Variants in ERCC6 observed in about 807,000 individuals in gnomAD.
ERCC6 encodes DNA excision repair protein ERCC-6.
In ERCC6, 116 loss-of-function variants were observed where a neutral mutation model predicts 158.7. That is an observed-to-expected ratio of 0.73 (90% CI 0.63 to 0.85). The LOEUF (loss-of-function observed/expected upper bound fraction) is 0.85, where lower values mean the gene tolerates loss of function less well. Ranked by LOEUF, ERCC6 falls within the 40% of genes least tolerant of loss-of-function variation. ERCC6 has a pLI of 0.00. For missense variants in ERCC6, 1,698 were observed against 1,799.4 expected (o/e 0.94, Z 1.02); for synonymous variants, 678 against 659.3 (o/e 1.03, Z -0.43).
chr10:49,467,895 T>C (rs1198651852), intron 18 of ERCC6, among the ~76,000 whole-genome samples: 2 of 152,072 alleles, frequency 1.3e-5, no homozygotes, highest in Non-Finnish European at 2.9e-5. Flanking sequence ...TTCCAGACAT[T>C]GTGAATTTCA....
the ERCC6 span, among the ~76,000 whole-genome samples, chr10:49,444,521 G>C: frequency 6.6e-6 from 1 of 152,198 alleles, no homozygotes; most frequent in Non-Finnish European, 1.5e-5. Flanking sequence ...ACACAGGACA[G>C]AGCATTACGA....
At chr10:49,490,529 A>G (rs1337904289) in intron 8 of ERCC6, among the ~76,000 whole-genome samples, 1 of 151,936 alleles carries the variant, frequency 6.6e-6, no homozygotes, top group Non-Finnish European at 1.5e-5. Flanking sequence ...TAATTTTTGT[A>G]TTTTTAGTAC....
chr10:49,445,595 T>A, the ERCC6 span, among the ~76,000 whole-genome samples: 2 of 152,208 alleles, frequency 1.3e-5, no homozygotes, highest in Non-Finnish European at 2.9e-5. Context: ...AAAAATGTAA[T>A]GGTTTCAGCA....
In ERCC6 at chr10:49,459,089, T is replaced by A. The variant is rs1156649878; in HGVS notation, c.4208A>T (p.Glu1403Val). ...GTGCCCGCTTTCACTTTCTAAACGC[T>A]CTGGCAGAATCAGGTGGTTTCTAGC... Reference protein sequence around the residue: ...MRARNHLILPERLESESGHLQ... With the variant: ...MRARNHLILPVRLESESGHLQ... Residue 1403 changes from glutamate to valine, a missense_variant, in exon 21 of 21, where the codon GAG becomes GTG. Physicochemically the swap from Glu to Val is moderately radical, Grantham distance 121 (BLOSUM62 -2). Coordinates refer to ENST00000355832, the MANE Select transcript of ERCC6 (RefSeq NM_000124.4). 7 of 1,614,086 alleles carry A rather than the reference T, an allele frequency of 4.3e-6. No homozygotes were observed. The highest frequency in any genetic ancestry group is 5.9e-6 in the Non-Finnish European group (7 of 1,180,048).
intron 5 of ERCC6, among the ~76,000 whole-genome samples, chr10:49,514,600 A>C (rs1276379715): frequency 1.3e-5 from 2 of 152,228 alleles, no homozygotes; most frequent in Non-Finnish European, 2.9e-5. Flanking sequence ...CACCGTCTGT[A>C]AGGAAAAAGC....
Position 49,539,098 on chromosome 10 carries a change from T to A in ERCC6, c.-151A>T, listed in dbSNP as rs894551555. On this transcript the variant is annotated 5_prime_UTR_variant, in exon 1 of 21. Coordinates refer to ENST00000355832, the MANE Select transcript of ERCC6 (RefSeq NM_000124.4). ...CGCCCCCAACAGCGACTCCGACTTC[T>A]GCTGGTGCGGGGAGGCCCGTGGCGC... The A allele has an allele frequency of 1.3e-5, 2 of 152,334 alleles. No homozygotes were observed. The highest frequency in any genetic ancestry group is 4.8e-5 in the African/African-American group (2 of 41,466). 9.4% of individuals were successfully genotyped at this position (152,334 alleles called of 1,614,324 possible).
chr10:49,464,169 G>C (rs897396345), intron 18 of ERCC6, among the ~76,000 whole-genome samples: 2 of 152,202 alleles, frequency 1.3e-5, no homozygotes, highest in African/African-American at 4.8e-5. Flanking sequence ...CCAAACTGAG[G>C]TGGTCTCAGA....
intron 4 of ERCC6, among the ~76,000 whole-genome samples, chr10:49,526,907 G>C (rs555781122): frequency 6.6e-6 from 1 of 152,206 alleles, no homozygotes; most frequent in Non-Finnish European, 1.5e-5. Flanking sequence ...CTAGGTGGCT[G>C]CAAAAGCCAT....
At chr10:49,472,736 T>C in intron 15 of ERCC6, 173 bp downstream of exon 15, 1 of 807,376 alleles carries the variant, frequency 1.2e-6, no homozygotes, top group Non-Finnish European at 2.0e-6. Context: ...CTGAAGATGG[T>C]TCCTGTCCAT....
chr10:49,476,042 C>A (rs1296262781), intron 12 of ERCC6, among the ~76,000 whole-genome samples, 173 bp downstream of exon 12: 4 of 152,212 alleles, frequency 2.6e-5, no homozygotes, highest in African/African-American at 9.6e-5. Context: ...CTCCTCTGCA[C>A]CTTACGGCTC....
At chr10:49,524,008 G>A (rs1564441869) in intron 5 of ERCC6, 25 bp downstream of exon 5, 1 of 1,611,074 alleles carries the variant, frequency 6.2e-7, no homozygotes, top group South Asian at 1.1e-5. Flanking sequence ...ACAGTACAAT[G>A]TATTTATAAT....
At chr10:49,525,047 T>C (rs1019938043) in intron 4 of ERCC6, 3 of 657,512 alleles carry the variant, frequency 4.6e-6, no homozygotes, top group East Asian at 3.9e-5. Flanking sequence ...CATCCAAAGA[T>C]AGGCTTATTA....
chr10:49,499,531 A>G (rs1022906131), intron 7 of ERCC6, among the ~76,000 whole-genome samples: 9 of 152,174 alleles, frequency 5.9e-5, no homozygotes, highest in African/African-American at 1.9e-4. Context: ...TCCAAATCAT[A>G]TATAGGGAGT....
In ERCC6 at chr10:49,470,678, G is replaced by A. The variant is rs1363014165; in HGVS notation, c.3282C>T (p.Asp1094=). 1.2e-6 allele frequency: 2 copies of A among 1,613,940 alleles called. No individual in the cohort carries two copies. Among genetic ancestry groups the A allele is most frequent in the East Asian group, 2.2e-5 (1 of 44,868 alleles). ...TAGTTACATTACTACTCATGTGAGG[G>A]TCATCTTTCAAAGGATCACTTCGAT... is the stretch of plus-strand genomic sequence containing the variant. ...TSNRSDPLKD[D]PHMSSNVTSN... The change falls in exon 18 of 21, where the codon GAC becomes GAT. Residue 1094 remains aspartate, a synonymous_variant. Coordinates refer to ENST00000355832, the MANE Select transcript of ERCC6 (RefSeq NM_000124.4).
At chr10:49,464,147 G>C (rs1295009035) in intron 18 of ERCC6, among the ~76,000 whole-genome samples, 2 of 152,204 alleles carry the variant, frequency 1.3e-5, no homozygotes, top group Non-Finnish European at 2.9e-5. Flanking sequence ...ATAGTGATAT[G>C]AACAGTAAGG....
At position 49,461,464 on chromosome 10, in the gene ERCC6, G is replaced by A. The variant is rs1564725860; in HGVS notation, c.3871C>T (p.Gln1291Ter). 6.2e-7 allele frequency: 1 copy of A among 1,614,152 alleles called. No individual in the cohort carries two copies. Among genetic ancestry groups the A allele is most frequent in the South Asian group, 1.1e-5 (1 of 91,070 alleles). ...LVEAEANRVAQDALKALRLSR... is the reference protein window; with the variant it reads ...LVEAEANRVA ...AGCCTCAGTGCTTTCAGGGCATCCT[G>A]GGCCACTCGGTTGGCTTCTGCCTCC... The change falls in exon 19 of 21, where the codon CAG becomes TAG. Residue 1291 changes from glutamine to a stop codon, truncating the protein, a stop_gained. Transcript: ENST00000355832. LOFTEE classifies it high-confidence loss of function.
At chr10:49,522,030 C>A (rs966777443) in intron 5 of ERCC6, among the ~76,000 whole-genome samples, 4 of 152,086 alleles carry the variant, frequency 2.6e-5, no homozygotes, top group African/African-American at 7.2e-5. Flanking sequence ...ACAGGCTATA[C>A]CCTCAGTAAA....
chr10:49,463,051 C>G (rs1479514158), intron 18 of ERCC6, among the ~76,000 whole-genome samples: 1 of 152,200 alleles, frequency 6.6e-6, no homozygotes, highest in Non-Finnish European at 1.5e-5. Context: ...AACTGTGGTA[C>G]AGGTTGAATA....
rs993643792 is a variant in ERCC6 at position 49,524,825 on chromosome 10, A to G, written c.653-48T>C. 1.9e-6 allele frequency: 3 copies of G among 1,596,212 alleles called. No individual in the cohort carries two copies. The African/African-American group carries it at 4.0e-5, about 21-fold the overall frequency. On this transcript the variant is annotated intron_variant, in intron 4 of 20. Coordinates refer to ENST00000355832, the MANE Select transcript of ERCC6 (RefSeq NM_000124.4). ...TTTCGCACTAGCATGAAACTTTCCG[A>G]GGGTACAAAAGAAATGCTCACTCTT...
Sources: allele counts gnomAD v4.1 joint callset (sites outside exome capture counted in the v4.1 genomes callset), GRCh38; gene constraint gnomAD v4.1.1; transcripts MANE v1.5; gene names NCBI Gene and HGNC (gene_info 2026-07-23, HGNC 2026-07-21).